Variants in PCCB observed in about 807,000 individuals in gnomAD.
PCCB encodes the protein propionyl-CoA carboxylase subunit beta.
PCCB carries 43 observed loss-of-function variants against 60.7 expected under a neutral mutation model. The observed-to-expected ratio is 0.71, with a 90% CI of 0.55 to 0.91. PCCB has a LOEUF of 0.91. PCCB is among the 40% of genes least tolerant of loss of function. The pLI, the probability that PCCB is intolerant of heterozygous loss-of-function variation, is 0.00. For synonymous variants in PCCB, 276 were observed against 255.9 expected, an observed-to-expected ratio of 1.08 and a Z score of -0.75; for missense variants, 766 against 702.8, an observed-to-expected ratio of 1.09 and a Z score of -1.02.
chr3:136,281,597 T>G (rs1045512343), intron 5 of PCCB, among the ~76,000 whole-genome samples: 1 of 152,184 alleles, frequency 6.6e-6, no homozygotes, highest in Non-Finnish European at 1.5e-5. Context: ...CTTTGACTAT[T>G]AAGTCCAATA....
At chr3:136,294,008 C>G (rs1933821730) in intron 7 of PCCB, 144 bp downstream of exon 7, 1 of 646,938 alleles carries the variant, frequency 1.5e-6, no homozygotes, top group East Asian at 2.7e-5. Context: ...TTGTACTACA[C>G]TACAGTGTAT....
intron 12 of PCCB, 111 bp downstream of exon 12, chr3:136,327,366 C>A (rs1196919417): frequency 2.1e-5 from 17 of 827,304 alleles, no homozygotes; most frequent in Admixed American, 5.9e-5. Context: ...CCTTGCTCAT[C>A]CTTAAAAAGA....
intron 1 of PCCB, among the ~76,000 whole-genome samples, chr3:136,253,087 T>TTG (rs201165116): frequency 0.17 from 21,889 of 126,916 alleles, 2,348 homozygotes; most frequent in Non-Finnish European, 0.23. Flanking sequence ...TGGAGGTTTT[T>TTG]TTTTTTTTTT....
chr3:136,300,849 G>C (rs1267555080), intron 8 of PCCB, among the ~76,000 whole-genome samples, 181 bp from the exon 9 acceptor site: 1 of 152,142 alleles, frequency 6.6e-6, no homozygotes, highest in African/African-American at 2.4e-5. Context: ...ACTTGTCCCA[G>C]GTTCAGTTAA....
Position 136,250,517 on chromosome 3 carries a change from C to G in PCCB, c.142C>G (p.Leu48Val). ...CGAAAACAAGCGCCGGACCGCGCTG[C>G]TGGGAGGGGGCCAACGCCGTATTGA... ...RIENKRRTAL[L>V]GGGQRRIDAQ... The change falls in exon 1 of 15, where the codon CTG becomes GTG. Residue 48 changes from leucine to valine, a missense_variant. Transcript: ENST00000251654. 1 of 1,613,002 alleles carries G rather than the reference C, an allele frequency of 6.2e-7. No individual in the cohort carries two copies. The highest frequency in any genetic ancestry group is 8.5e-7 in the Non-Finnish European group (1 of 1,179,740).
intron 8 of PCCB, among the ~76,000 whole-genome samples, chr3:136,300,753 CA>C (rs1442343220): frequency 1.3e-5 from 2 of 152,122 alleles, no homozygotes; most frequent in African/African-American, 4.8e-5. Context: ...AGGAGGTATT[CA>C]GAGAAGATAA....
chr3:136,299,025 C>T (rs765643361), intron 8 of PCCB, among the ~76,000 whole-genome samples: 1 of 152,080 alleles, frequency 6.6e-6, no homozygotes, highest in Non-Finnish European at 1.5e-5. Flanking sequence ...GGAGAGTGGT[C>T]ACAAGGTCCA....
chr3:136,315,599 G>A (rs1200523878), intron 9 of PCCB, among the ~76,000 whole-genome samples: 2 of 152,154 alleles, frequency 1.3e-5, no homozygotes, highest in Non-Finnish European at 2.9e-5. Flanking sequence ...GGGAGGCTGA[G>A]GCAGGTGGAT....
intron 5 of PCCB, among the ~76,000 whole-genome samples, chr3:136,273,902 ACT>A (rs1295313850): frequency 2.1e-4 from 20 of 96,064 alleles, no homozygotes; most frequent in African/African-American, 4.6e-4. Context: ...ACAGAGGGAG[ACT>A]CTGTCTCAAA....
intron 5 of PCCB, among the ~76,000 whole-genome samples, chr3:136,273,773 G>A (rs1287443843): frequency 3.3e-5 from 5 of 149,960 alleles, no homozygotes; most frequent in African/African-American, 4.9e-5. Context: ...TTAGCCGGGC[G>A]TGGTGGCGGG....
intron 14 of PCCB, among the ~76,000 whole-genome samples, 174 bp from the exon 15 acceptor site, chr3:136,329,726 TCAGAA>T (rs1217987416): frequency 1.3e-5 from 2 of 152,166 alleles, no homozygotes; most frequent in Non-Finnish European, 2.9e-5. Context: ...TGGGGAGCTG[TCAGAA>T]CAGGCCAGCT....
Position 136,293,044 on chromosome 3 carries a change from ACT to A in PCCB, c.655-709_655-708del, listed in dbSNP as rs753373714. ...GTTTTTGTTTTTGAGACAGGTTTTT[ACT>A]CTGTCACCCAGGCTGGAGTGCAGTG... On this transcript the variant is annotated intron_variant, in intron 6 of 14. Coordinates refer to ENST00000251654, the MANE Select transcript of PCCB (RefSeq NM_000532.5). Among the ~76,000 whole-genome samples the A allele has an allele frequency of 9.2e-5, 14 of 152,270 alleles. No individual in the cohort carries two copies. In the South Asian group the frequency reaches 2.7e-3, roughly 29 times the overall value.
At chr3:136,271,241 G>T (rs939096968) in intron 5 of PCCB, among the ~76,000 whole-genome samples, 2 of 152,088 alleles carry the variant, frequency 1.3e-5, no homozygotes, top group African/African-American at 4.8e-5. Context: ...AATTTTTATG[G>T]TTTCAGGTCT....
At chr3:136,277,699 G>T (rs1238236879) in intron 5 of PCCB, among the ~76,000 whole-genome samples, 3 of 152,148 alleles carry the variant, frequency 2.0e-5, no homozygotes, top group Admixed American at 2.0e-4. Context: ...TGTGTGGGGA[G>T]TAACAGGTGG....
intron 7 of PCCB, 91 bp from the exon 8 acceptor site, chr3:136,297,861 C>A: frequency 7.0e-7 from 1 of 1,419,428 alleles, no homozygotes; most frequent in Non-Finnish European, 1.0e-6. Context: ...CTGCTACTGA[C>A]ATGCCCTAGA....
At chr3:136,261,319 C>T (rs923400688) in intron 4 of PCCB, among the ~76,000 whole-genome samples, 3 of 152,164 alleles carry the variant, frequency 2.0e-5, no homozygotes, top group African/African-American at 7.2e-5. Context: ...TAGACATGGT[C>T]CTGTCATGTA....
intron 6 of PCCB, among the ~76,000 whole-genome samples, chr3:136,290,292 G>A (rs1177942878): frequency 6.6e-6 from 1 of 152,122 alleles, no homozygotes; most frequent in Non-Finnish European, 1.5e-5. Context: ...ATTTTGCAGA[G>A]CACAGAATTC....
intron 10 of PCCB, among the ~76,000 whole-genome samples, chr3:136,320,565 G>A (rs1935074021): frequency 6.6e-6 from 1 of 152,116 alleles, no homozygotes; most frequent in South Asian, 2.1e-4. Context: ...ACTTTGCTGG[G>A]TTTATTAACT....
chr3:136,316,971 A>G lies in PCCB; in HGVS notation c.997A>G (p.Met333Val), dbSNP rs1019758248. The G allele has an allele frequency of 1.9e-6, 3 of 1,614,012 alleles. No individual in the cohort carries two copies. The highest frequency in any genetic ancestry group is 1.7e-5 in the Admixed American group (1 of 60,000). Reference sequence around the variant, plus strand: ...TGATGAGCGTGAATTTTTTGAGATCATGCCCAATTATGCCAAGAACATCAT... The same window carrying G: ...TGATGAGCGTGAATTTTTTGAGATCGTGCCCAATTATGCCAAGAACATCAT... ...VVDEREFFEIMPNYAKNIIVG... is the reference protein window; with the variant it reads ...VVDEREFFEIVPNYAKNIIVG... The change falls in exon 10 of 15, where the codon ATG becomes GTG. Residue 333 changes from methionine (M) to valine (V), a missense_variant. Coordinates refer to ENST00000251654, the MANE Select transcript of PCCB (RefSeq NM_000532.5).
Sources: gnomAD v4.1 joint callset for allele counts (sites outside exome capture counted in the v4.1 genomes callset) on GRCh38, gnomAD v4.1.1 for gene constraint, MANE v1.5 for transcripts, NCBI Gene and HGNC (gene_info 2026-07-23, HGNC 2026-07-21) for gene names.